NHLRC1: variants seen among roughly 807,000 people sequenced by gnomAD.
NHLRC1 encodes the protein E3 ubiquitin-protein ligase NHLRC1.
A neutral mutation model predicts 14.6 loss-of-function variants in NHLRC1; 10 were observed. The observed-to-expected ratio is 0.69, with a 90% CI of 0.42 to 1.17. The LOEUF (loss-of-function observed/expected upper bound fraction) is 1.17, where lower values mean the gene tolerates loss of function less well. Among genes scored for constraint, NHLRC1 ranks in the 50% most tolerant of loss-of-function variants. NHLRC1 has a pLI of 0.00. For missense variants in NHLRC1, 526 were observed against 522.9 expected (o/e 1.01, Z -0.06); for synonymous variants, 231 against 224.0 (o/e 1.03, Z -0.28).
rs1783728105 is a variant in NHLRC1, at chr6:18,121,296, A to C, written c.*123T>G. 1.8e-5 allele frequency: 13 copies of C among 728,342 alleles called. 1 individual carries two copies. In the South Asian group the frequency reaches 2.1e-4, roughly 12 times the overall value. 45.1% of individuals were successfully genotyped at this position (728,342 alleles called of 1,614,324 possible). A position where few individuals can be genotyped will look rare whatever the true frequency, so the allele number is the denominator to read the frequency against. ...TCCAATAACTGTCCCAAGCTTTGTAAGTCTGCCAGATGGTTTTAATTATCC... is the reference window on the plus strand; with the variant it reads ...TCCAATAACTGTCCCAAGCTTTGTACGTCTGCCAGATGGTTTTAATTATCC... On this transcript the variant is annotated 3_prime_UTR_variant, in exon 1 of 1. Coordinates refer to ENST00000340650, the MANE Select transcript of NHLRC1 (RefSeq NM_198586.3). The surrounding 1 kb of genome is among the most constrained non-coding windows in gnomAD (Gnocchi z 4.7).
rs1783758842 is a variant in NHLRC1, at chr6:18,122,479, T to C, written c.128A>G (p.Asn43Ser). The C allele has an allele frequency of 6.3e-7, 1 of 1,596,740 alleles. No individual in the cohort carries two copies. Among genetic ancestry groups the C allele is most frequent in the South Asian group, 1.1e-5 (1 of 91,024 alleles). The part of the protein sequence containing the change: ...FGHRQQRRPR[N>S]LSCGHVVCLA... ...GCAGACCACGTGGCCGCAGGACAGG[T>C]TGCGCGGGCGCCGCTGCTGCCGGTG... is the stretch of plus-strand genomic sequence containing the variant. Residue 43 changes from asparagine to serine, a missense_variant, in exon 1 of 1, where the codon AAC becomes AGC. By Grantham distance (46) the Asn-to-Ser change is conservative. Transcript: ENST00000340650.
chr6:18,121,921 A>C lies in NHLRC1; in HGVS notation c.686T>G (p.Ile229Ser). 1.2e-6 allele frequency: 2 copies of C among 1,614,134 alleles called. No individual in the cohort carries two copies. Among genetic ancestry groups the C allele is most frequent in the Non-Finnish European group, 1.7e-6 (2 of 1,180,024 alleles). Reference sequence around the variant, plus strand: ...CCCTGCCTCCGCATCAGTTACCACAATCCCATTCTGAGGGGTGGTCTCCAC... The same window carrying C: ...CCCTGCCTCCGCATCAGTTACCACACTCCCATTCTGAGGGGTGGTCTCCAC... ...WGVETTPQNG[I>S]VVTDAEAGSL... Residue 229 changes from isoleucine (I) to serine (S), a missense_variant, in exon 1 of 1, where the codon ATT (isoleucine) becomes AGT (serine). By Grantham distance (142) the Ile-to-Ser change is moderately radical. Transcript: ENST00000340650. This position sits in a 1 kb window ranked among gnomAD's most constrained non-coding sequence, Gnocchi z 4.7.
In NHLRC1 at chr6:18,122,353, G is replaced by A. The variant is rs371218834; in HGVS notation, c.254C>T (p.Pro85Leu). The A allele has an allele frequency of 6.4e-7, 1 of 1,573,632 alleles. No homozygotes were observed. The highest frequency in any genetic ancestry group is 8.6e-7 in the Non-Finnish European group (1 of 1,167,754). The change falls in exon 1 of 1, where the codon CCG becomes CTG. Residue 85 changes from proline to leucine, a missense_variant. By Grantham distance (98) the Pro-to-Leu change is moderately conservative. Coordinates refer to ENST00000340650, the MANE Select transcript of NHLRC1 (RefSeq NM_198586.3). ...CAGGAGCTCTATGAGGTGCAGCACC[G>A]GCAGGCAGTCGCTGGTGTCGCAGCC... Reference protein sequence around the residue: ...CRGCDTSDCLPVLHLIELLGS... With the variant: ...CRGCDTSDCLLVLHLIELLGS...
In NHLRC1 at chr6:18,120,818, C is replaced by T. The variant is rs1221249660; in HGVS notation, c.*601G>A. ...GACTAAGGCAGTAAGTAACTATGACCTCGAGGAAGTCACTTAAGCTCTCTG... is the reference window on the plus strand; with the variant it reads ...GACTAAGGCAGTAAGTAACTATGACTTCGAGGAAGTCACTTAAGCTCTCTG... On this transcript the variant is annotated 3_prime_UTR_variant, in exon 1 of 1. Coordinates refer to ENST00000340650, the MANE Select transcript of NHLRC1 (RefSeq NM_198586.3). The T allele has an allele frequency of 6.5e-6, 1 of 153,896 alleles. No homozygotes were observed. The highest frequency in any genetic ancestry group is 1.4e-5 in the Non-Finnish European group (1 of 69,214). 9.5% of individuals were successfully genotyped at this position (153,896 alleles called of 1,614,324 possible).
chr6:18,122,401 G>A lies in NHLRC1; in HGVS notation c.206C>T (p.Pro69Leu). The A allele has an allele frequency of 6.3e-7, 1 of 1,584,408 alleles. No individual in the cohort carries two copies. Residue 69 changes from proline to leucine, a missense_variant, in exon 1 of 1, where the codon CCA (proline) becomes CTA (leucine). Pro to Leu is a moderately conservative substitution (Grantham distance 98). Transcript: ENST00000340650. Reference sequence around the variant, plus strand: ...GCCCCGGCAAGCTCGCCTGCAGAATGGGCACTCGAGGGCCAGAGTGCGCGG... The same window carrying A: ...GCCCCGGCAAGCTCGCCTGCAGAATAGGCACTCGAGGGCCAGAGTGCGCGG... Reference protein sequence around the residue: ...AHPRTLALECPFCRRACRGCD... With the variant: ...AHPRTLALECLFCRRACRGCD...
Position 18,122,079 on chromosome 6 carries a change from G to T in NHLRC1, c.528C>A (p.Tyr176Ter). The change falls in exon 1 of 1, where the codon TAC (tyrosine) becomes TAA (stop). Residue 176 changes from tyrosine to a stop codon, truncating the protein, a stop_gained. Transcript: ENST00000340650. LOFTEE classifies it high-confidence loss of function. ...EKGDAAQDIR[Y>*]PVDVTITNDC... ...CGTTGGTGATGGTGACATCCACAGG[G>T]TACCTAATGTCTTGGGCAGCGTCCC... 6.2e-7 allele frequency: 1 copy of T among 1,614,172 alleles called. No individual in the cohort carries two copies. Among genetic ancestry groups the T allele is most frequent in the Non-Finnish European group, 8.5e-7 (1 of 1,180,034 alleles).
rs1278764953 is a variant in NHLRC1 at position 18,121,375 on chromosome 6, T to C, written c.*44A>G. ...TATCCAGGGTTAAACAATTCATTAA[T>C]GGCAGCACTAGTGCTTCTGATTCCA... is the stretch of plus-strand genomic sequence containing the variant. On this transcript the variant is annotated 3_prime_UTR_variant, in exon 1 of 1. Transcript: ENST00000340650. This position sits in a 1 kb window ranked among gnomAD's most constrained non-coding sequence, Gnocchi z 4.7. 1 of 1,402,346 alleles carries C rather than the reference T, an allele frequency of 7.1e-7. No homozygotes were observed. Among genetic ancestry groups the C allele is most frequent in the South Asian group, 1.2e-5 (1 of 86,176 alleles). 86.9% of individuals were successfully genotyped at this position (1,402,346 alleles called of 1,614,324 possible).
At position 18,121,457 on chromosome 6, in the gene NHLRC1, A is replaced by T; in HGVS notation, c.1150T>A (p.Ser384Thr). The change falls in exon 1 of 1, where the codon TCT becomes ACT. Residue 384 changes from serine (S) to threonine (T), a missense_variant. Transcript: ENST00000340650. The surrounding 1 kb of genome is among the most constrained non-coding windows in gnomAD (Gnocchi z 4.7). The stretch of plus-strand genomic sequence containing the variant: ...ACTTTATAGACTTTTATAGAATGAG[A>T]TGCTGTGTCCAGCACAAGAAGAGAA... ...ENSLLVLDTASHSIKVYKVDW... is the reference protein window; with the variant it reads ...ENSLLVLDTATHSIKVYKVDW... 6.2e-7 allele frequency: 1 copy of T among 1,614,094 alleles called. No individual in the cohort carries two copies. Among genetic ancestry groups the T allele is most frequent in the Non-Finnish European group, 8.5e-7 (1 of 1,179,974 alleles).
Position 18,121,691 on chromosome 6 carries a change from G to C in NHLRC1, c.916C>G (p.Gln306Glu). Residue 306 changes from glutamine to glutamate, a missense_variant, in exon 1 of 1, where the codon CAA becomes GAA. Gln to Glu is a conservative substitution (Grantham distance 29, BLOSUM62 2). Coordinates refer to ENST00000340650, the MANE Select transcript of NHLRC1 (RefSeq NM_198586.3). This position sits in a 1 kb window ranked among gnomAD's most constrained non-coding sequence, Gnocchi z 4.7. ...VFSSSMQLVG[Q>E]VDTFGLSLYF... The stretch of plus-strand genomic sequence containing the variant: ...AGGCTCAGCCCAAAGGTATCCACTT[G>C]GCCGACAAGCTGCATACTTGAGCTA... 1 of 1,614,078 alleles carries C rather than the reference G, an allele frequency of 6.2e-7. No individual in the cohort carries two copies. Among genetic ancestry groups the C allele is most frequent in the Non-Finnish European group, 8.5e-7 (1 of 1,180,028 alleles).
Position 18,121,469 on chromosome 6 carries a change from G to A in NHLRC1, c.1138C>T (p.Leu380=). The change falls in exon 1 of 1, where the codon CTG becomes TTG. Residue 380 remains leucine, a synonymous_variant. Transcript: ENST00000340650. This position sits in a 1 kb window ranked among gnomAD's most constrained non-coding sequence, Gnocchi z 4.7. The part of the protein sequence containing the change: ...TFTKENSLLV[L]DTASHSIKVY... Reference sequence around the variant, plus strand: ...TTTATAGAATGAGATGCTGTGTCCAGCACAAGAAGAGAATTCTCCTTGGTG... The same window carrying A: ...TTTATAGAATGAGATGCTGTGTCCAACACAAGAAGAGAATTCTCCTTGGTG... The A allele has an allele frequency of 5.0e-6, 8 of 1,614,146 alleles. No homozygotes were observed. Among genetic ancestry groups the A allele is most frequent in the East Asian group, 2.2e-5 (1 of 44,868 alleles).
rs764691077 is a variant in NHLRC1, at chr6:18,122,500, C to G, written c.107G>C (p.Arg36Pro). ...CAGGTTGCGCGGGCGCCGCTGCTGC[C>G]GGTGGCCAAACTTCTCAAAGCACAC... Reference protein sequence around the residue: ...CKVCFEKFGHRQQRRPRNLSC... With the variant: ...CKVCFEKFGHPQQRRPRNLSC... The change falls in exon 1 of 1, where the codon CGG becomes CCG. Residue 36 changes from arginine (R) to proline (P), a missense_variant. Transcript: ENST00000340650. 41 of 1,597,278 alleles carry G rather than the reference C, an allele frequency of 2.6e-5. No individual in the cohort carries two copies. The Middle Eastern group carries it at 5.1e-4, about 20-fold the overall frequency.
rs1783751314 is a variant in NHLRC1 at position 18,122,257 on chromosome 6, T to C, written c.350A>G (p.His117Arg). The C allele has an allele frequency of 1.2e-6, 2 of 1,607,764 alleles. No individual in the cohort carries two copies. The highest frequency in any genetic ancestry group is 1.7e-5 in the Admixed American group (1 of 59,972). The change falls in exon 1 of 1, where the codon CAC becomes CGC. Residue 117 changes from histidine to arginine, a missense_variant. By Grantham distance (29) the His-to-Arg change is conservative. Coordinates refer to ENST00000340650, the MANE Select transcript of NHLRC1 (RefSeq NM_198586.3). ...GGTCCCCCAGCCGCCGAAGGTGTGGTGGCAGGTGAGGGCTCCGGGGGCGCT... is the reference window on the plus strand; with the variant it reads ...GGTCCCCCAGCCGCCGAAGGTGTGGCGGCAGGTGAGGGCTCCGGGGGCGCT... ...APSAPGALTC[H>R]HTFGGWGTLV...
chr6:18,122,656 G>C lies in NHLRC1; in HGVS notation c.-50C>G. 1 of 1,513,964 alleles carries C rather than the reference G, an allele frequency of 6.6e-7. No individual in the cohort carries two copies. The highest frequency in any genetic ancestry group is 9.0e-7 in the Non-Finnish European group (1 of 1,115,744). The allele number at this position is 1,513,964 out of a possible 1,614,324, so 93.8% of individuals were successfully genotyped here. ...CGCCGCCTGGCCGTGCCCCAGCGACGCTCTCGGTCACGGTCACAGTCATGG... is the reference window on the plus strand; with the variant it reads ...CGCCGCCTGGCCGTGCCCCAGCGACCCTCTCGGTCACGGTCACAGTCATGG... On this transcript the variant is annotated 5_prime_UTR_variant, in exon 1 of 1. Coordinates refer to ENST00000340650, the MANE Select transcript of NHLRC1 (RefSeq NM_198586.3).
At position 18,121,520 on chromosome 6, in the gene NHLRC1, G is replaced by C. The variant is rs1275828844; in HGVS notation, c.1087C>G (p.Leu363Val). ...AAGGTAAGAGCCACAGGATGCGAAA[G>C]ACCATGAGTGACCATGGGCTTCGGT... ...PVPKPMVTHG[L>V]SHPVALTFTK... The change falls in exon 1 of 1, where the codon CTT becomes GTT. Residue 363 changes from leucine to valine, a missense_variant. Coordinates refer to ENST00000340650, the MANE Select transcript of NHLRC1 (RefSeq NM_198586.3). This position sits in a 1 kb window ranked among gnomAD's most constrained non-coding sequence, Gnocchi z 4.7. 2.5e-6 allele frequency: 4 copies of C among 1,614,084 alleles called. No individual in the cohort carries two copies. The African/African-American group carries it at 5.3e-5, about 22-fold the overall frequency.
At position 18,122,269 on chromosome 6, in the gene NHLRC1, G is replaced by T. The variant is rs1338826299; in HGVS notation, c.338C>A (p.Ala113Asp). ...GCCGAAGGTGTGGTGGCAGGTGAGG[G>T]CTCCGGGGGCGCTGGGGGCGGCGCG... Reference protein sequence around the residue: ...AHRAAPSAPGALTCHHTFGGW... With the variant: ...AHRAAPSAPGDLTCHHTFGGW... Residue 113 changes from alanine to aspartate, a missense_variant, in exon 1 of 1, where the codon GCC (alanine) becomes GAC (aspartate). Coordinates refer to ENST00000340650, the MANE Select transcript of NHLRC1 (RefSeq NM_198586.3). The T allele has an allele frequency of 1.2e-6, 2 of 1,604,296 alleles. No homozygotes were observed. Among genetic ancestry groups the T allele is most frequent in the Admixed American group, 3.3e-5 (2 of 59,818 alleles).
Position 18,120,647 on chromosome 6 carries a change from C to T in NHLRC1, c.*772G>A, listed in dbSNP as rs1783716381. 6.6e-6 allele frequency: 1 copy of T among 152,194 alleles called. No homozygotes were observed. The highest frequency in any genetic ancestry group is 1.5e-5 in the Non-Finnish European group (1 of 68,046). The allele number at this position is 152,194 out of a possible 1,614,324, so 9.4% of individuals were successfully genotyped here. The stretch of plus-strand genomic sequence containing the variant: ...TTCTCCTGAACTCTCCATAAAGTCT[C>T]CTTTCTTTGCACATCTTTGTGCTAA... On this transcript the variant is annotated 3_prime_UTR_variant, in exon 1 of 1. Coordinates refer to ENST00000340650, the MANE Select transcript of NHLRC1 (RefSeq NM_198586.3).
At position 18,122,103 on chromosome 6, in the gene NHLRC1, C is replaced by A. The variant is rs529490452; in HGVS notation, c.504G>T (p.Gly168=). The change falls in exon 1 of 1, where the codon GGG becomes GGT. Residue 168 remains glycine (G), a synonymous_variant. Transcript: ENST00000340650. ...GGTACCTAATGTCTTGGGCAGCGTC[C>A]CCCTTCTCTCCAAACTGATGCGCGC... ...GGCAHQFGEK[G]DAAQDIRYPV... 137 of 1,613,970 alleles carry A rather than the reference C, an allele frequency of 8.5e-5. 2 individuals carry two copies. The South Asian group carries it at 1.4e-3, about 16-fold the overall frequency.
In NHLRC1 at chr6:18,122,247, G is replaced by T. The variant is rs754279385; in HGVS notation, c.360C>A (p.Phe120Leu). ...GGTTGACCAGGGTCCCCCAGCCGCC[G>T]AAGGTGTGGTGGCAGGTGAGGGCTC... Reference protein sequence around the residue: ...APGALTCHHTFGGWGTLVNPT... With the variant: ...APGALTCHHTLGGWGTLVNPT... The change falls in exon 1 of 1, where the codon TTC becomes TTA. Residue 120 changes from phenylalanine to leucine, a missense_variant. Physicochemically the swap from Phe to Leu is conservative, Grantham distance 22 (BLOSUM62 0). Coordinates refer to ENST00000340650, the MANE Select transcript of NHLRC1 (RefSeq NM_198586.3). The T allele has an allele frequency of 5.0e-6, 8 of 1,609,230 alleles. No individual in the cohort carries two copies. The East Asian group carries it at 1.6e-4, about 31-fold the overall frequency.
At position 18,122,645 on chromosome 6, in the gene NHLRC1, G is replaced by T; in HGVS notation, c.-39C>A. 1 of 1,552,586 alleles carries T rather than the reference G, an allele frequency of 6.4e-7. No individual in the cohort carries two copies. Among genetic ancestry groups the T allele is most frequent in the Non-Finnish European group, 8.7e-7 (1 of 1,146,996 alleles). On this transcript the variant is annotated 5_prime_UTR_variant, in exon 1 of 1. Transcript: ENST00000340650. ...CACTCCCGCCGCGCCGCCTGGCCGT[G>T]CCCCAGCGACGCTCTCGGTCACGGT...
Sources: allele counts gnomAD v4.1 joint callset, GRCh38; gene constraint gnomAD v4.1.1; non-coding constraint Gnocchi (gnomAD v3.1); transcripts MANE v1.5; gene names NCBI Gene and HGNC (gene_info 2026-07-23, HGNC 2026-07-21).